Variants in CLVS1 observed in about 807,000 individuals in gnomAD.
The protein encoded by CLVS1 is clavesin 1, also known as clavesin-1.
In CLVS1, 10 loss-of-function variants were observed where a neutral mutation model predicts 33.1. That is an observed-to-expected ratio of 0.30 (90% CI 0.19 to 0.51). The LOEUF is 0.51. Among genes scored for constraint, CLVS1 ranks in the 20% least tolerant of loss-of-function variants. CLVS1 has a pLI of 0.97. For synonymous variants in CLVS1, 163 were observed against 166.1 expected, an observed-to-expected ratio of 0.98 and a Z score of 0.14; for missense variants, 343 against 433.4, an observed-to-expected ratio of 0.79 and a Z score of 1.85.
intron 1 of CLVS1, among the ~76,000 whole-genome samples, chr8:61,125,457 T>A (rs1585628611): frequency 6.6e-6 from 1 of 152,210 alleles, no homozygotes; most frequent in Non-Finnish European, 1.5e-5. Context: ...GTTCAGTTCC[T>A]CATTTTGGTC....
At chr8:61,057,407 CACA>C (rs1804496305) in intron 1 of CLVS1, among the ~76,000 whole-genome samples, 1 of 148,424 alleles carries the variant, frequency 6.7e-6, no homozygotes, top group African/African-American at 2.5e-5. Context: ...CACACACACA[CACA>C]CACCCCATCC....
At chr8:61,240,986 A>G (rs1221633313) in intron 2 of CLVS1, among the ~76,000 whole-genome samples, 1 of 151,408 alleles carries the variant, frequency 6.6e-6, no homozygotes, top group East Asian at 1.9e-4. Flanking sequence ...ATAAACAGAA[A>G]TTTATTTCTC....
At chr8:61,356,791 A>G (rs1466014944) in intron 2 of CLVS1, among the ~76,000 whole-genome samples, 1 of 152,236 alleles carries the variant, frequency 6.6e-6, no homozygotes, top group Non-Finnish European at 1.5e-5. Flanking sequence ...TTTTGGTACC[A>G]GTACCATGCT....
chr8:61,160,498 G>A (rs1806731616), intron 2 of CLVS1, among the ~76,000 whole-genome samples: 1 of 152,138 alleles, frequency 6.6e-6, no homozygotes, highest in South Asian at 2.1e-4. Flanking sequence ...GGAGCAGAAG[G>A]AAAATGGAAA....
the CLVS1 span, among the ~76,000 whole-genome samples, chr8:61,015,333 C>T: frequency 1.3e-5 from 2 of 152,186 alleles, no homozygotes; most frequent in Non-Finnish European, 2.9e-5. Context: ...ACAGAATATA[C>T]TGATTCTGAG....
At chr8:61,047,952 A>AT in the CLVS1 span, among the ~76,000 whole-genome samples, 90 of 142,736 alleles carry the variant, frequency 6.3e-4, 1 homozygote, top group Admixed American at 1.2e-3. Flanking sequence ...TAATAATAAA[A>AT]TAAAAAAAAT....
intron 2 of CLVS1, among the ~76,000 whole-genome samples, chr8:61,203,465 G>A (rs1269891406): frequency 6.6e-6 from 1 of 152,040 alleles, no homozygotes; most frequent in Non-Finnish European, 1.5e-5. Flanking sequence ...ATAGGACACA[G>A]TAGTAGCGGT....
intron 2 of CLVS1, among the ~76,000 whole-genome samples, chr8:61,349,719 A>G (rs1009268616): frequency 6.6e-6 from 1 of 152,068 alleles, no homozygotes; most frequent in African/African-American, 2.4e-5. Flanking sequence ...CTTGATCCCA[A>G]ACTCCCATAC....
At chr8:61,422,346 G>T (rs1815712353) in intron 3 of CLVS1, among the ~76,000 whole-genome samples, 1 of 152,188 alleles carries the variant, frequency 6.6e-6, no homozygotes, top group African/African-American at 2.4e-5. Context: ...TGAGTTGAGT[G>T]CTGGGTCTGC....
intron 2 of CLVS1, among the ~76,000 whole-genome samples, chr8:61,157,832 A>G (rs575278420): frequency 8.5e-5 from 13 of 152,330 alleles, no homozygotes; most frequent in African/African-American, 3.1e-4. Context: ...AGCCATAATG[A>G]GATGCAACTA....
intron 2 of CLVS1, among the ~76,000 whole-genome samples, chr8:61,133,667 A>C (rs1327820555): frequency 6.6e-6 from 1 of 152,140 alleles, no homozygotes; most frequent in Non-Finnish European, 1.5e-5. Flanking sequence ...CTGCCAAAAC[A>C]CATCGGAAGG....
the CLVS1 span, among the ~76,000 whole-genome samples, chr8:60,984,984 C>T: frequency 1.3e-4 from 20 of 152,288 alleles, no homozygotes; most frequent in East Asian, 3.9e-4. Context: ...CTCAACACAG[C>T]GCTGCCCACC....
intron 2 of CLVS1, among the ~76,000 whole-genome samples, chr8:61,329,754 A>G (rs970629685): frequency 6.6e-6 from 1 of 152,242 alleles, no homozygotes; most frequent in Admixed American, 6.5e-5. Context: ...TCACATTAAA[A>G]AACTCATTAC....
intron 3 of CLVS1, among the ~76,000 whole-genome samples, chr8:61,412,109 G>A (rs1252466225): frequency 6.6e-6 from 1 of 152,148 alleles, no homozygotes; most frequent in African/African-American, 2.4e-5. Context: ...TATTTCTTCA[G>A]CATTCACACC....
intron 5 of CLVS1, among the ~76,000 whole-genome samples, chr8:61,461,162 T>C (rs1817351925): frequency 6.6e-6 from 1 of 152,192 alleles, no homozygotes; most frequent in Non-Finnish European, 1.5e-5. Flanking sequence ...GGCAAAATGA[T>C]GTAAAATTGA....
intron 2 of CLVS1, among the ~76,000 whole-genome samples, chr8:61,191,081 A>G (rs2129302662): frequency 6.6e-6 from 1 of 152,312 alleles, no homozygotes; most frequent in Non-Finnish European, 1.5e-5. Flanking sequence ...AAAAAAGAGA[A>G]TTTTAGACCA....
chr8:61,176,856 A>C (rs1360387574), intron 2 of CLVS1, among the ~76,000 whole-genome samples: 1 of 152,178 alleles, frequency 6.6e-6, no homozygotes, highest in Non-Finnish European at 1.5e-5. Flanking sequence ...TCATGAGCCC[A>C]CACCATTGGA....
At chr8:61,185,355 T>C (rs1471099775) in intron 2 of CLVS1, among the ~76,000 whole-genome samples, 1 of 150,572 alleles carries the variant, frequency 6.6e-6, no homozygotes, top group South Asian at 2.1e-4. Flanking sequence ...GGTTTTGCCA[T>C]GTTGCCCAGG....
At chr8:61,486,478 T>G (rs1208618381) in intron 5 of CLVS1, among the ~76,000 whole-genome samples, 1 of 152,200 alleles carries the variant, frequency 6.6e-6, no homozygotes. Flanking sequence ...TATTTTGAAA[T>G]TAACCTTTAA....
Sources: allele counts gnomAD v4.1 joint callset (sites outside exome capture counted in the v4.1 genomes callset), GRCh38; gene constraint gnomAD v4.1.1; transcripts MANE v1.5; gene names NCBI Gene and HGNC (gene_info 2026-07-23, HGNC 2026-07-21).